The following RYR2 variants were observed in gnomAD, a reference collection of about 807,000 sequenced individuals.
RYR2 encodes ryanodine receptor 2, also known as cardiac muscle ryanodine receptor-calcium release channel.
RYR2 carries 227 observed loss-of-function variants against 601.1 expected under a neutral mutation model. The ratio of observed to expected loss-of-function variants is 0.38; its 90% CI spans 0.34 to 0.42. RYR2 has a LOEUF of 0.42. RYR2 is among the 10% of genes least tolerant of loss of function. RYR2 has a pLI of 1.00. For missense variants in RYR2, 4,646 were observed against 6,156.5 expected (o/e 0.75, Z 8.21); for synonymous variants, 2,223 against 2,175.1 (o/e 1.02, Z -0.61).
chr1:237,386,693 A>G (rs995267116), intron 8 of RYR2, among the ~76,000 whole-genome samples: 3 of 152,252 alleles, frequency 2.0e-5, no homozygotes, highest in African/African-American at 7.2e-5. Context: ...TTCTATTTTT[A>G]GGAAGGAAAA....
chr1:237,169,959 T>C (rs1379080510), intron 1 of RYR2, among the ~76,000 whole-genome samples: 1 of 152,188 alleles, frequency 6.6e-6, no homozygotes, highest in Non-Finnish European at 1.5e-5. Flanking sequence ...ATTCATTCAT[T>C]GAGTGCTTTT....
chr1:237,415,261 A>G (rs555739588), intron 10 of RYR2, among the ~76,000 whole-genome samples: 21 of 152,210 alleles, frequency 1.4e-4, no homozygotes, highest in African/African-American at 4.8e-4. Flanking sequence ...GCACATAAGG[A>G]TTTCTAAAAA....
At chr1:237,250,032 A>AT (rs1389200537) in intron 1 of RYR2, among the ~76,000 whole-genome samples, 1 of 152,162 alleles carries the variant, frequency 6.6e-6, no homozygotes, top group East Asian at 1.9e-4. Context: ...GTAGAAATGC[A>AT]TTTTTTAGGC....
intron 1 of RYR2, among the ~76,000 whole-genome samples, chr1:237,266,635 C>T (rs1421988972): frequency 1.3e-5 from 2 of 152,094 alleles, no homozygotes; most frequent in Non-Finnish European, 2.9e-5. Flanking sequence ...TACTTTCTGT[C>T]CAAAAGGAAC....
At chr1:237,284,466 C>A in intron 2 of RYR2, among the ~76,000 whole-genome samples, 1 of 58,892 alleles carries the variant, frequency 1.7e-5, no homozygotes, top group African/African-American at 1.5e-4. Flanking sequence ...CATAGTAATC[C>A]ACTATATATA....
intron 1 of RYR2, among the ~76,000 whole-genome samples, chr1:237,198,336 C>G (rs1401050997): frequency 6.6e-6 from 1 of 151,944 alleles, no homozygotes; most frequent in Admixed American, 6.6e-5. Context: ...AACTATGCGT[C>G]ATTTTCATGA....
chr1:237,370,332 C>G (rs532806715), intron 6 of RYR2, among the ~76,000 whole-genome samples: 44 of 152,036 alleles, frequency 2.9e-4, no homozygotes, highest in Non-Finnish European at 5.7e-4. Context: ...TGACCAGAAG[C>G]CTTACCAATA....
intron 21 of RYR2, among the ~76,000 whole-genome samples, chr1:237,501,459 T>A (rs1664629427): frequency 6.6e-6 from 1 of 152,156 alleles, no homozygotes; most frequent in Admixed American, 6.5e-5. Flanking sequence ...CCTTTTTTGC[T>A]ATTACCAGAG....
chr1:237,630,129 A>C (rs903721350), intron 41 of RYR2, among the ~76,000 whole-genome samples: 4 of 152,192 alleles, frequency 2.6e-5, no homozygotes, highest in Non-Finnish European at 4.4e-5. Context: ...TGCCATTAAA[A>C]AGTAAATCAT....
Position 237,614,728 on chromosome 1 carries a change from A to T in RYR2, c.5600A>T (p.Glu1867Val), listed in dbSNP as rs539021736. 6.2e-7 allele frequency: 1 copy of T among 1,614,022 alleles called. No homozygotes were observed. The highest frequency in any genetic ancestry group is 1.3e-5 in the African/African-American group (1 of 75,066). ...PEEESDTLEKELSVDDAKLQG... is the reference protein window; with the variant it reads ...PEEESDTLEKVLSVDDAKLQG... ...GAGGAGAGTGACACGCTGGAGAAAG[A>T]GCTCAGTGTGGACGATGCAAAGCTG... Residue 1867 changes from glutamate to valine, a missense_variant, in exon 37 of 105, where the codon GAG becomes GTG. Transcript: ENST00000366574. This position sits in a 1 kb window ranked among gnomAD's most constrained non-coding sequence, Gnocchi z 4.3.
chr1:237,493,704 G>A (rs1318676790), intron 19 of RYR2, among the ~76,000 whole-genome samples: 4 of 152,152 alleles, frequency 2.6e-5, no homozygotes, highest in Non-Finnish European at 2.9e-5. Flanking sequence ...TGCCCGCCTT[G>A]GCCTCCCAAA....
At chr1:237,208,156 C>T (rs1682026087) in intron 1 of RYR2, among the ~76,000 whole-genome samples, 2 of 152,314 alleles carry the variant, frequency 1.3e-5, no homozygotes, top group Middle Eastern at 3.4e-3. Flanking sequence ...TAATTGTTTT[C>T]GTCTGAATGA....
intron 11 of RYR2, among the ~76,000 whole-genome samples, chr1:237,422,318 G>C (rs752496675): frequency 6.6e-6 from 1 of 152,136 alleles, no homozygotes; most frequent in Non-Finnish European, 1.5e-5. Context: ...ATAGTGATCA[G>C]ATCAATTAGC....
In RYR2 at chr1:237,830,631, G is replaced by A. The variant is rs752970862; in HGVS notation, c.14756+1G>A. The A allele has an allele frequency of 6.5e-7, 1 of 1,537,816 alleles. No individual in the cohort carries two copies. Among genetic ancestry groups the A allele is most frequent in the Non-Finnish European group, 9.0e-7 (1 of 1,111,514 alleles). ...AGGAGCACAACTTGGCTAATTACTT[G>A]TGAGTGTGCCCGTTTCAGAATCTTC... is the stretch of plus-strand genomic sequence containing the variant. On this transcript the variant is annotated splice_donor_variant, in intron 103 of 104. Coordinates refer to ENST00000366574, the MANE Select transcript of RYR2 (RefSeq NM_001035.3). LOFTEE classifies it high-confidence loss of function.
chr1:237,265,196 A>C (rs1354952309), intron 1 of RYR2, among the ~76,000 whole-genome samples: 1 of 152,144 alleles, frequency 6.6e-6, no homozygotes, highest in Admixed American at 6.5e-5. Flanking sequence ...TAGAGAAGAG[A>C]GAAAGGGGTT....
intron 1 of RYR2, among the ~76,000 whole-genome samples, chr1:237,230,362 T>C (rs1684850630): frequency 6.6e-6 from 1 of 152,330 alleles, no homozygotes; most frequent in African/African-American, 2.4e-5. Context: ...CTAGATTTGT[T>C]ATCAAATCAC....
chr1:237,528,515 A>G (rs1329197646), intron 24 of RYR2, among the ~76,000 whole-genome samples: 1 of 152,186 alleles, frequency 6.6e-6, no homozygotes, highest in Non-Finnish European at 1.5e-5. Context: ...ATGGACTTAT[A>G]TATTTATGCA....
At chr1:237,361,977 C>G (rs914290487) in intron 4 of RYR2, among the ~76,000 whole-genome samples, 1 of 152,128 alleles carries the variant, frequency 6.6e-6, no homozygotes, top group Non-Finnish European at 1.5e-5. Context: ...TGCTTACAGA[C>G]GAAAGATGAT....
intron 2 of RYR2, among the ~76,000 whole-genome samples, chr1:237,324,238 T>C (rs1695927275): frequency 6.6e-6 from 1 of 152,196 alleles, no homozygotes; most frequent in African/African-American, 2.4e-5. Flanking sequence ...TATAAACATT[T>C]TAAAGGATAT....
Sources: gnomAD v4.1 joint callset for allele counts (sites outside exome capture counted in the v4.1 genomes callset) on GRCh38, gnomAD v4.1.1 for gene constraint, Gnocchi (gnomAD v3.1) non-coding constraint, MANE v1.5 for transcripts, NCBI Gene and HGNC (gene_info 2026-07-23, HGNC 2026-07-21) for gene names.